Variants in PDE8A observed in about 807,000 individuals in gnomAD.
PDE8A encodes phosphodiesterase 8A, also known as high affinity cAMP-specific and IBMX-insensitive 3',5'-cyclic phosphodiesterase 8A.
A neutral mutation model predicts 105.0 loss-of-function variants in PDE8A; 59 were observed. The observed-to-expected ratio is 0.56, with a 90% CI of 0.46 to 0.70. PDE8A has a LOEUF of 0.70. PDE8A is among the 30% of genes least tolerant of loss of function. The pLI is 0.00. For missense variants in PDE8A, 1,014 were observed against 1,045.9 expected, an observed-to-expected ratio of 0.97 and a Z score of 0.42; for synonymous variants, 355 against 371.9, an observed-to-expected ratio of 0.95 and a Z score of 0.52.
chr15:85,067,233 C>T (rs1456995350), intron 3 of PDE8A, 29 bp downstream of exon 3: 2 of 1,509,550 alleles, frequency 1.3e-6, no homozygotes, highest in South Asian at 1.2e-5. Flanking sequence ...CCTAAATAGT[C>T]CCATTGGCCT....
At chr15:85,115,878 C>T in intron 15 of PDE8A, 106 bp from the exon 16 acceptor site, 2 of 1,018,046 alleles carry the variant, frequency 2.0e-6, no homozygotes, top group Non-Finnish European at 2.9e-6. Flanking sequence ...TGAGACTGTA[C>T]CACAACACTC....
At chr15:85,024,360 A>T (rs2080478049) in intron 1 of PDE8A, among the ~76,000 whole-genome samples, 1 of 152,208 alleles carries the variant, frequency 6.6e-6, no homozygotes, top group African/African-American at 2.4e-5. Context: ...TTAAGAAGTG[A>T]ATTTGGTCTA....
At chr15:85,077,701 G>T (rs1035481172) in intron 5 of PDE8A, among the ~76,000 whole-genome samples, 1 of 152,090 alleles carries the variant, frequency 6.6e-6, no homozygotes, top group Non-Finnish European at 1.5e-5. Context: ...ACCCCTCAGA[G>T]ATTAGTTATG....
intron 5 of PDE8A, among the ~76,000 whole-genome samples, chr15:85,083,265 A>G (rs901743258): frequency 3.9e-5 from 6 of 152,200 alleles, no homozygotes; most frequent in Non-Finnish European, 8.8e-5. Flanking sequence ...CAGTGACATG[A>G]AAACAACCAA....
chr15:85,065,270 A>G (rs1032881842), intron 2 of PDE8A, among the ~76,000 whole-genome samples: 1 of 145,634 alleles, frequency 6.9e-6, no homozygotes, highest in Non-Finnish European at 1.5e-5. Context: ...AAAACAACCA[A>G]TTGATGAACA....
intron 7 of PDE8A, 137 bp downstream of exon 7, chr15:85,089,553 G>C: frequency 1.9e-6 from 1 of 535,870 alleles, no homozygotes; most frequent in Non-Finnish European, 3.3e-6. Flanking sequence ...AGGATTATCA[G>C]AACAAAATCA....
intron 1 of PDE8A, among the ~76,000 whole-genome samples, chr15:84,983,439 T>TA (rs1359766323): frequency 6.6e-6 from 1 of 152,238 alleles, no homozygotes; most frequent in Non-Finnish European, 1.5e-5. Context: ...CTTTCTGTCT[T>TA]ACATTTCTAG....
At chr15:85,037,401 T>G (rs1275841335) in intron 1 of PDE8A, among the ~76,000 whole-genome samples, 2 of 152,074 alleles carry the variant, frequency 1.3e-5, no homozygotes, top group Non-Finnish European at 2.9e-5. Flanking sequence ...CCATCCAGAT[T>G]AAAAAAGAGC....
chr15:84,981,809 C>T (rs1385233644), upstream of PDE8A, among the ~76,000 whole-genome samples: 1 of 151,166 alleles, frequency 6.6e-6, no homozygotes, highest in Non-Finnish European at 1.5e-5. Flanking sequence ...CTCAGCCGCT[C>T]CTGGGTAAGG....
chr15:85,089,439 C>G (rs1374804190), intron 7 of PDE8A, 23 bp downstream of exon 7: 2 of 1,346,178 alleles, frequency 1.5e-6, no homozygotes, highest in Non-Finnish European at 2.1e-6. Flanking sequence ...GGAAATCTGT[C>G]TTTCTGGATT....
In PDE8A at chr15:85,045,930, A is replaced by G. The variant is rs554834580; in HGVS notation, c.187-18440A>G. ...CTTTACTGCAGTTCCTGGGTTTTGT[A>G]TACAATTAATGTAAATTGACCCCAG... On this transcript the variant is annotated intron_variant, in intron 1 of 21. Transcript: ENST00000394553. Among the ~76,000 whole-genome samples the G allele has an allele frequency of 3.3e-5, 5 of 152,278 alleles. No homozygotes were observed. The South Asian group carries it at 1.0e-3, about 32-fold the overall frequency.
chr15:85,106,785 C>T (rs2081954170), intron 11 of PDE8A, among the ~76,000 whole-genome samples: 1 of 152,174 alleles, frequency 6.6e-6, no homozygotes, highest in African/African-American at 2.4e-5. Context: ...TCCTTACCTG[C>T]CCTTGAATGC....
intron 1 of PDE8A, among the ~76,000 whole-genome samples, chr15:84,993,829 A>G (rs924742168): frequency 6.6e-6 from 1 of 152,212 alleles, no homozygotes; most frequent in African/African-American, 2.4e-5. Flanking sequence ...TTGAGGTTGC[A>G]GTGAGCTATG....
intron 1 of PDE8A, among the ~76,000 whole-genome samples, chr15:85,030,515 C>G (rs149492174): frequency 2.7e-3 from 408 of 152,178 alleles, no homozygotes; most frequent in Non-Finnish European, 4.3e-3. Context: ...TTGTTTTTAC[C>G]TGGTATTTGT....
At chr15:85,024,418 C>G (rs1013806285) in intron 1 of PDE8A, among the ~76,000 whole-genome samples, 1 of 152,202 alleles carries the variant, frequency 6.6e-6, no homozygotes. Flanking sequence ...GTCAGCTCAT[C>G]TTGAATCTTT....
chr15:85,045,192 A>G (rs1412370151), intron 1 of PDE8A, among the ~76,000 whole-genome samples: 1 of 152,110 alleles, frequency 6.6e-6, no homozygotes, highest in East Asian at 1.9e-4. Flanking sequence ...GTTACTCTCC[A>G]TCACATCTTT....
At chr15:85,112,170 C>T (rs1331287931) in intron 12 of PDE8A, among the ~76,000 whole-genome samples, 1 of 151,432 alleles carries the variant, frequency 6.6e-6, no homozygotes, top group Non-Finnish European at 1.5e-5. Context: ...TTTTCTAATT[C>T]CTTTATTTTT....
intron 3 of PDE8A, among the ~76,000 whole-genome samples, chr15:85,075,394 A>G (rs1317192474): frequency 5.3e-5 from 8 of 152,198 alleles, no homozygotes. Context: ...TTTACCTAGT[A>G]ACTCTTCATC....
intron 20 of PDE8A, among the ~76,000 whole-genome samples, chr15:85,133,712 TCATTAAGA>T (rs1173510731): frequency 6.6e-6 from 1 of 152,206 alleles, no homozygotes; most frequent in Non-Finnish European, 1.5e-5. Flanking sequence ...GATTTTAAAG[TCATTAAGA>T]CATTAAGATA....
Sources: gnomAD v4.1 joint callset for allele counts (sites outside exome capture counted in the v4.1 genomes callset) on GRCh38, gnomAD v4.1.1 for gene constraint, MANE v1.5 for transcripts, NCBI Gene and HGNC (gene_info 2026-07-23, HGNC 2026-07-21) for gene names.